Variants in PCDH15 observed in about 807,000 individuals in gnomAD.
PCDH15 encodes protocadherin-15.
A neutral mutation model predicts 178.5 loss-of-function variants in PCDH15; 129 were observed. The observed-to-expected ratio is 0.72, with a 90% CI of 0.63 to 0.84. The LOEUF is 0.84. Ranked by LOEUF, PCDH15 falls within the 40% of genes least tolerant of loss-of-function variation. PCDH15 has a pLI of 0.00. For synonymous variants in PCDH15, 800 were observed against 732.0 expected (o/e 1.09, Z -1.50); for missense variants, 2,230 against 2,099.9 (o/e 1.06, Z -1.21).
chr10:54,899,918 CA>C (rs1462360630), intron 2 of PCDH15, among the ~76,000 whole-genome samples: 1 of 129,846 alleles, frequency 7.7e-6, no homozygotes, highest in Non-Finnish European at 1.6e-5. Context: ...CTGTGCATTC[CA>C]ATAATAAAGT....
intron 2 of PCDH15, among the ~76,000 whole-genome samples, chr10:55,336,039 C>A (rs11004814): frequency 7.7e-6 from 1 of 129,168 alleles, no homozygotes; most frequent in Admixed American, 9.9e-5. Flanking sequence ...CCAGATAGTT[C>A]TTTGTTGTGG....
chr10:55,586,926 A>T (rs1015119228), intron 2 of PCDH15, among the ~76,000 whole-genome samples: 4 of 152,128 alleles, frequency 2.6e-5, no homozygotes, highest in African/African-American at 9.7e-5. Context: ...TGTCACTTGC[A>T]TTGGGTACAT....
chr10:54,413,172 ATCTC>A (rs36062781), intron 3 of PCDH15, among the ~76,000 whole-genome samples: 6 of 151,108 alleles, frequency 4.0e-5, no homozygotes, highest in African/African-American at 1.2e-4. Flanking sequence ...ACAATATAGC[ATCTC>A]TCTCTCTCTC....
At chr10:54,046,154 C>T (rs2093651040) in intron 18 of PCDH15, among the ~76,000 whole-genome samples, 3 of 152,094 alleles carry the variant, frequency 2.0e-5, no homozygotes, top group Admixed American at 2.0e-4. Flanking sequence ...GAAACCGTAA[C>T]AAGGTGGCTC....
rs2080685039 is a variant in PCDH15, at chr10:54,501,489, CAGTGTTAA to C, written c.157+26315_157+26322del. 2.0e-5 allele frequency among the ~76,000 whole-genome samples: 3 copies of C among 152,096 alleles called. No individual in the cohort carries two copies. In the South Asian group the frequency reaches 6.2e-4, roughly 31 times the overall value. ...CATCTAAAGTGATAATTGATTTCCACAGTGTTAAACCAACAACTTTGAAAAGAATTTCA... is the reference window on the plus strand; with the variant it reads ...CATCTAAAGTGATAATTGATTTCCACACCAACAACTTTGAAAAGAATTTCA... On this transcript the variant is annotated intron_variant, in intron 3 of 37. Coordinates refer to ENST00000644397, the MANE Select transcript of PCDH15 (RefSeq NM_001384140.1).
chr10:54,911,208 G>A (rs17596680), intron 2 of PCDH15, among the ~76,000 whole-genome samples: 26,323 of 152,082 alleles, frequency 0.17, 2,766 homozygotes, highest in Non-Finnish European at 0.23. Flanking sequence ...CAGTTTCACC[G>A]GTTAAGCTCA....
chr10:54,092,447 A>G (rs1357274270), intron 15 of PCDH15, among the ~76,000 whole-genome samples: 1 of 151,476 alleles, frequency 6.6e-6, no homozygotes, highest in African/African-American at 2.4e-5. Context: ...CCAGCTCCCC[A>G]CCCTCCCCAT....
At chr10:53,868,014 A>G (rs1330987888) in intron 26 of PCDH15, among the ~76,000 whole-genome samples, 1 of 152,042 alleles carries the variant, frequency 6.6e-6, no homozygotes, top group African/African-American at 2.4e-5. Context: ...GTTTTTAAAT[A>G]CAGCTATGAG....
chr10:54,169,692 C>T lies in PCDH15; in HGVS notation c.1590+13752G>A, dbSNP rs555197854. Among the ~76,000 whole-genome samples, 23 of 151,818 alleles carry T rather than the reference C, an allele frequency of 1.5e-4. No homozygotes were observed. The East Asian group carries it at 3.7e-3, about 24-fold the overall frequency. On this transcript the variant is annotated intron_variant, in intron 13 of 37. Transcript: ENST00000644397. ...TCCCTCCTTGGCGACCAATCATGCA[C>T]CCCTTACCATCTCATTAAAACCTAA...
At chr10:55,142,969 G>A (rs1838395277) in intron 2 of PCDH15, among the ~76,000 whole-genome samples, 3 of 152,084 alleles carry the variant, frequency 2.0e-5, no homozygotes, top group Admixed American at 2.0e-4. Context: ...GGAGAGGCCT[G>A]GTGGGAGATG....
chr10:54,246,401 A>G (rs7080071), intron 8 of PCDH15, among the ~76,000 whole-genome samples: 4,895 of 151,948 alleles, frequency 0.032, 183 homozygotes, highest in African/African-American at 0.094. Context: ...AATTTTCTAT[A>G]AATTGAATTA....
intron 3 of PCDH15, among the ~76,000 whole-genome samples, chr10:54,888,364 T>A (rs984869082): frequency 2.0e-5 from 3 of 152,070 alleles, no homozygotes; most frequent in African/African-American, 7.2e-5. Flanking sequence ...GTTAGGTATA[T>A]CAATATTTCT....
intron 2 of PCDH15, among the ~76,000 whole-genome samples, chr10:55,362,976 T>C (rs1565058615): frequency 6.6e-6 from 1 of 152,132 alleles, no homozygotes; most frequent in Non-Finnish European, 1.5e-5. Flanking sequence ...AAATAAAATT[T>C]CTCATAATGT....
intron 2 of PCDH15, among the ~76,000 whole-genome samples, chr10:55,391,572 C>T (rs925984450): frequency 1.6e-4 from 24 of 151,958 alleles, no homozygotes; most frequent in African/African-American, 4.6e-4. Context: ...CTGCAACCTC[C>T]GCCTCCCAGA....
intron 3 of PCDH15, among the ~76,000 whole-genome samples, chr10:54,858,682 T>C (rs918624843): frequency 6.6e-6 from 1 of 152,038 alleles, no homozygotes; most frequent in Non-Finnish European, 1.5e-5. Flanking sequence ...AACTATATAG[T>C]TATCTATATT....
At chr10:54,544,167 T>A (rs2085573385) in intron 2 of PCDH15, among the ~76,000 whole-genome samples, 1 of 152,182 alleles carries the variant, frequency 6.6e-6, no homozygotes, top group African/African-American at 2.4e-5. Flanking sequence ...AGAAAACTTT[T>A]GTTGGCAAGT....
intron 19 of PCDH15, 132 bp downstream of exon 19, chr10:54,022,760 T>G (rs2092963247): frequency 2.2e-6 from 2 of 900,184 alleles, no homozygotes; most frequent in Admixed American, 2.0e-5. Context: ...TAATAAAAAT[T>G]TATTCATTGT....
intron 1 of PCDH15, among the ~76,000 whole-genome samples, chr10:55,186,379 A>C (rs1303671937): frequency 6.6e-6 from 1 of 151,244 alleles, no homozygotes. Context: ...AAACAGCCTA[A>C]AAGAAGATTT....
intron 16 of PCDH15, among the ~76,000 whole-genome samples, chr10:54,085,412 A>G (rs1377034459): frequency 6.6e-6 from 1 of 152,170 alleles, no homozygotes; most frequent in African/African-American, 2.4e-5. Context: ...AATATTTGAG[A>G]GATGGCATTT....
Sources: allele counts gnomAD v4.1 joint callset (sites outside exome capture counted in the v4.1 genomes callset), GRCh38; gene constraint gnomAD v4.1.1; transcripts MANE v1.5; gene names NCBI Gene and HGNC (gene_info 2026-07-23, HGNC 2026-07-21).